CACNA1I: variants seen among roughly 807,000 people sequenced by gnomAD.
The protein encoded by CACNA1I is calcium voltage-gated channel subunit alpha1 I.
Under a neutral mutation model 201.6 loss-of-function variants are expected in CACNA1I, and 74 were observed. The ratio of observed to expected loss-of-function variants is 0.37; its 90% confidence interval spans 0.30 to 0.45. The LOEUF (loss-of-function observed/expected upper bound fraction) is 0.45. CACNA1I is among the 20% of genes least tolerant of loss of function. The pLI, the probability that CACNA1I is intolerant of heterozygous loss-of-function variation, is 1.00. For missense variants in CACNA1I, 2,346 were observed against 3,138.1 expected (o/e 0.75, Z 6.03); for synonymous variants, 1,431 against 1,345.2 (o/e 1.06, Z -1.40).
intron 14 of CACNA1I, 133 bp from the exon 15 acceptor site, chr22:39,660,211 A>G (rs1934960730): frequency 3.0e-6 from 2 of 656,226 alleles, no homozygotes; most frequent in Non-Finnish European, 2.6e-6. Context: ...TTAGCATCTC[A>G]TTTCCCTTTT....
At chr22:39,588,127 CA>C (rs1248206635) in intron 1 of CACNA1I, among the ~76,000 whole-genome samples, 70 of 82,232 alleles carry the variant, frequency 8.5e-4, no homozygotes, top group African/African-American at 3.0e-3. Context: ...AGTTGCTCTT[CA>C]TTTTTTTTTT....
At chr22:39,664,026 C>A (rs1935105386) in intron 19 of CACNA1I, 65 bp from the exon 20 acceptor site, 2 of 1,550,638 alleles carry the variant, frequency 1.3e-6, no homozygotes, top group East Asian at 2.3e-5. Context: ...GCCAAAGCAG[C>A]GGCTGGCCAG....
At chr22:39,658,104 G>A (rs371730489) in intron 10 of CACNA1I, 48 bp from the exon 11 acceptor site, 3 of 1,595,978 alleles carry the variant, frequency 1.9e-6, no homozygotes, top group Non-Finnish European at 2.6e-6. Context: ...ATCCACAGCT[G>A]CCCTCTGGCC....
intron 3 of CACNA1I, among the ~76,000 whole-genome samples, chr22:39,602,838 G>A (rs1933107980): frequency 6.6e-6 from 1 of 151,972 alleles, no homozygotes; most frequent in Non-Finnish European, 1.5e-5. Flanking sequence ...AGGTCTAAGG[G>A]GGACCTTAGA....
chr22:39,609,370 A>G lies in CACNA1I; in HGVS notation c.482+8717A>G, dbSNP rs190061933. On this transcript the variant is annotated intron_variant, in intron 3 of 36. Transcript: ENST00000402142. ...TGCATTTGGCTGCAAGTAATAGAAA[A>G]CCCAACCAACTGTGGCTCAGGCAAA... 8.0e-4 allele frequency among the ~76,000 whole-genome samples: 122 copies of G among 152,118 alleles called. 2 individuals are homozygous for G. In the East Asian group the frequency reaches 0.02, roughly 26 times the overall value.
intron 3 of CACNA1I, among the ~76,000 whole-genome samples, chr22:39,617,146 G>C (rs1452990039): frequency 6.6e-6 from 1 of 152,228 alleles, no homozygotes; most frequent in Non-Finnish European, 1.5e-5. Flanking sequence ...CCGGCACCCA[G>C]TAGGGTCTCA....
intron 33 of CACNA1I, among the ~76,000 whole-genome samples, chr22:39,680,371 G>A (rs1051906630): frequency 3.9e-5 from 6 of 152,166 alleles, no homozygotes; most frequent in African/African-American, 1.4e-4. Flanking sequence ...AGCAGTGTGG[G>A]CCCCTGAGCT....
intron 1 of CACNA1I, among the ~76,000 whole-genome samples, chr22:39,590,426 A>G (rs1431401378): frequency 1.3e-5 from 2 of 152,052 alleles, no homozygotes; most frequent in Admixed American, 6.5e-5. Context: ...TGCATACAAC[A>G]CAGGCCTGGG....
chr22:39,679,299 C>T lies in CACNA1I; in HGVS notation c.5248C>T (p.Leu1750Phe), dbSNP rs775749690. 2 of 1,561,572 alleles carry T rather than the reference C, an allele frequency of 1.3e-6. No homozygotes were observed. The highest frequency in any genetic ancestry group is 1.7e-6 in the Non-Finnish European group (2 of 1,153,538). ...GGAGGACGCCGAGATGGATGCCGAG[C>T]TCGAGCTGGAGATGGCCCATGGCCT... The part of the protein sequence containing the change: ...AQEDAEMDAE[L>F]ELEMAHGLGP... Residue 1750 changes from leucine (L) to phenylalanine (F), a missense_variant, in exon 32 of 37, where the codon CTC (leucine) becomes TTC (phenylalanine). This residue lies in a region of CACNA1I where 441 missense variants were observed against 555.6 expected (regional missense o/e 0.79). Transcript: ENST00000402142.
intron 3 of CACNA1I, among the ~76,000 whole-genome samples, chr22:39,605,254 T>C (rs937555041): frequency 7.2e-5 from 11 of 152,172 alleles, no homozygotes; most frequent in Non-Finnish European, 1.6e-4. Flanking sequence ...GTTAGAAGGT[T>C]CCTTAGAGGT....
chr22:39,624,052 T>C (rs1012462756), intron 4 of CACNA1I, among the ~76,000 whole-genome samples: 14 of 149,288 alleles, frequency 9.4e-5, no homozygotes, highest in Non-Finnish European at 2.1e-4. Context: ...GTGAAGTGCA[T>C]GTGTGTGCCT....
At position 39,641,128 on chromosome 22, in the gene CACNA1I, C is replaced by T. The variant is rs1197042354; in HGVS notation, c.1002C>T (p.His334=). The change falls in exon 6 of 37, where the codon CAC becomes CAT. Residue 334 remains histidine, a synonymous_variant. Coordinates refer to ENST00000402142, the MANE Select transcript of CACNA1I (RefSeq NM_021096.4). ...NVCRTGSANP[H]KGAINFDNIG... ...GCCGCACGGGCAGCGCCAACCCCCA[C>T]AAGGGTGCCATCAACTTTGACAACA... 1.2e-6 allele frequency: 2 copies of T among 1,614,020 alleles called. No individual in the cohort carries two copies. Among genetic ancestry groups the T allele is most frequent in the East Asian group, 4.5e-5 (2 of 44,858 alleles).
At position 39,649,659 on chromosome 22, in the gene CACNA1I, G is replaced by A; in HGVS notation, c.1726G>A (p.Gly576Ser). ...GLGSTDSGQE[G>S]SGSGSSAGGE... is the part of the protein sequence containing the mutation. ...GGGCAGCACCGACTCGGGCCAGGAG[G>A]GCTCGGGCTCCGGGAGCTCCGCTGG... Residue 576 changes from glycine (G) to serine (S), a missense_variant, in exon 10 of 37, where the codon GGC (glycine) becomes AGC (serine). Around this residue, in one of 13 missense-constraint regions of CACNA1I, gnomAD observed 312 missense variants for 331.5 expected, o/e 0.94. Coordinates refer to ENST00000402142, the MANE Select transcript of CACNA1I (RefSeq NM_021096.4). This position sits in a 1 kb window ranked among gnomAD's most constrained non-coding sequence, Gnocchi z 7.3. 6.6e-7 allele frequency: 1 copy of A among 1,516,928 alleles called. No homozygotes were observed. Among genetic ancestry groups the A allele is most frequent in the Non-Finnish European group, 8.9e-7 (1 of 1,129,396 alleles). 94.0% of individuals were successfully genotyped at this position (1,516,928 alleles called of 1,614,324 possible). A position where few individuals can be genotyped will look rare whatever the true frequency, so the allele number is the denominator to read the frequency against.
At position 39,686,159 on chromosome 22, in the gene CACNA1I, G is replaced by C; in HGVS notation, c.6426G>C (p.Pro2142=). 1 of 1,238,428 alleles carries C rather than the reference G, an allele frequency of 8.1e-7. No individual in the cohort carries two copies. Among genetic ancestry groups the C allele is most frequent in the Non-Finnish European group, 1.0e-6 (1 of 990,534 alleles). 76.7% of individuals were successfully genotyped at this position (1,238,428 alleles called of 1,614,324 possible). A position where few individuals can be genotyped will look rare whatever the true frequency, so the allele number is the denominator to read the frequency against. Residue 2142 remains proline (P), a synonymous_variant, in exon 37 of 37, where the codon CCG becomes CCC. Coordinates refer to ENST00000402142, the MANE Select transcript of CACNA1I (RefSeq NM_021096.4). The part of the protein sequence containing the change: ...LTSLFCPPPP[P]PAPGLTPARK... ...CCCTCTTCTGCCCGCCGCCCCCGCC[G>C]CCAGCCCCCGGCCTCACGCCCGCCA... is the stretch of plus-strand genomic sequence containing the variant.
At chr22:39,680,504 T>G (rs907299609) in intron 33 of CACNA1I, among the ~76,000 whole-genome samples, 2 of 152,206 alleles carry the variant, frequency 1.3e-5, no homozygotes, top group African/African-American at 2.4e-5. Flanking sequence ...CTGTGGTGGC[T>G]GCAGATTCTC....
intron 1 of CACNA1I, among the ~76,000 whole-genome samples, chr22:39,589,038 T>G (rs892285551): frequency 3.3e-5 from 5 of 152,178 alleles, no homozygotes; most frequent in Non-Finnish European, 7.3e-5. Flanking sequence ...TGTGGGGCTG[T>G]CCTGTACGTT....
At chr22:39,652,644 C>T (rs1219500794) in intron 10 of CACNA1I, among the ~76,000 whole-genome samples, 3 of 152,216 alleles carry the variant, frequency 2.0e-5, no homozygotes, top group Non-Finnish European at 4.4e-5. Context: ...GTGGCTCATG[C>T]CTGTAATCCC....
intron 34 of CACNA1I, among the ~76,000 whole-genome samples, 185 bp from the exon 35 acceptor site, chr22:39,682,311 C>T (rs1336044126): frequency 1.3e-5 from 2 of 152,214 alleles, no homozygotes; most frequent in Admixed American, 6.5e-5. Context: ...ATCCAGTGGG[C>T]ATTCGGAGGT....
At chr22:39,651,425 GC>G (rs1934645830) in intron 10 of CACNA1I, among the ~76,000 whole-genome samples, 1 of 152,138 alleles carries the variant, frequency 6.6e-6, no homozygotes, top group South Asian at 2.1e-4. Flanking sequence ...TCATTTGCCA[GC>G]CATTCCAGCT....
Sources: allele counts gnomAD v4.1 joint callset (sites outside exome capture counted in the v4.1 genomes callset), GRCh38; gene constraint gnomAD v4.1.1; regional missense constraint gnomAD v4.1.1; non-coding constraint Gnocchi (gnomAD v3.1); transcripts MANE v1.5; gene names NCBI Gene and HGNC (gene_info 2026-07-23, HGNC 2026-07-21).